The following PRKRA variants were observed in gnomAD, a reference collection of about 807,000 sequenced individuals.
The protein encoded by PRKRA is interferon-inducible double-stranded RNA-dependent protein kinase activator A.
In PRKRA, 22 loss-of-function variants were observed where a neutral mutation model predicts 32.4. The observed-to-expected ratio is 0.68, with a 90% CI of 0.49 to 0.97. PRKRA has a LOEUF of 0.97. Among genes scored for constraint, PRKRA ranks in the 50% least tolerant of loss-of-function variants. The pLI is 0.00. For missense variants in PRKRA, 319 were observed against 375.6 expected (o/e 0.85, Z 1.25); for synonymous variants, 139 against 129.8 (o/e 1.07, Z -0.48).
intron 6 of PRKRA, chr2:178,439,384 CTTTTTA>C (rs1035196284): frequency 2.0e-5 from 3 of 152,122 alleles, no homozygotes; most frequent in Non-Finnish European, 4.4e-5. Context: ...TAATTTTTAG[CTTTTTA>C]TTTTTAATTA....
intron 6 of PRKRA, chr2:178,440,238 A>T (rs1413523735): frequency 6.6e-6 from 1 of 152,196 alleles, no homozygotes; most frequent in Non-Finnish European, 1.5e-5. Flanking sequence ...AAATCAAATT[A>T]TATTACTCAT....
intron 7 of PRKRA, among the ~76,000 whole-genome samples, chr2:178,434,902 C>T (rs1014095995): frequency 6.6e-6 from 1 of 151,646 alleles, no homozygotes; most frequent in Non-Finnish European, 1.5e-5. Flanking sequence ...GTACAGATCA[C>T]TTGAGGTCAG....
chr2:178,441,823 A>G (rs1697126416), intron 5 of PRKRA, 119 bp from the exon 6 acceptor site: 2 of 731,452 alleles, frequency 2.7e-6, no homozygotes, highest in African/African-American at 1.8e-5. Flanking sequence ...TATATACTAG[A>G]CTATGTTCTT....
chr2:178,440,037 TAA>T (rs1697055664), intron 6 of PRKRA: 1 of 152,266 alleles, frequency 6.6e-6, no homozygotes, highest in South Asian at 2.1e-4. Flanking sequence ...AGAATAAATT[TAA>T]AAGTTTCCTT....
chr2:178,448,114 G>T (rs1033662253), intron 2 of PRKRA, among the ~76,000 whole-genome samples: 2 of 152,210 alleles, frequency 1.3e-5, no homozygotes, highest in African/African-American at 4.8e-5. Flanking sequence ...ATGATTATGT[G>T]TTGGGTACAA....
intron 4 of PRKRA, 87 bp from the exon 5 acceptor site, chr2:178,443,471 T>G (rs1697196660): frequency 7.8e-6 from 7 of 901,354 alleles, no homozygotes; most frequent in African/African-American, 4.9e-5. Flanking sequence ...CCCATTTCTA[T>G]GTATATGTTT....
At chr2:178,438,383 C>T (rs1696986455) in intron 6 of PRKRA, among the ~76,000 whole-genome samples, 1 of 152,142 alleles carries the variant, frequency 6.6e-6, no homozygotes, top group African/African-American at 2.4e-5. Flanking sequence ...ACTGTTTCTA[C>T]ATCATTATTG....
Position 178,437,749 on chromosome 2 carries a change from C to T in PRKRA, c.610-1430G>A. Among the ~76,000 whole-genome samples, 2 of 152,106 alleles carry T rather than the reference C, an allele frequency of 1.3e-5. 1 individual carries two copies. Among genetic ancestry groups the T allele is most frequent in the Admixed American group, 1.3e-4 (2 of 15,276 alleles). On this transcript the variant is annotated intron_variant, in intron 6 of 7. Transcript: ENST00000325748. The stretch of plus-strand genomic sequence containing the variant: ...TATTATCAAATTTTGTAGTTTTTGC[C>T]AATCTAAAAGGTGAAAATATTTTAT...
At position 178,436,354 on chromosome 2, in the gene PRKRA, T is replaced by A. The variant is rs193157677; in HGVS notation, c.610-35A>T. On this transcript the variant is annotated intron_variant, in intron 6 of 7. Transcript: ENST00000325748. The stretch of plus-strand genomic sequence containing the variant: ...AGAGATGAAGATTTAGACTCTTGAC[T>A]AGGACTGGGTTCCAACACCCGTACC... 2,589 of 856,584 alleles carry A rather than the reference T, an allele frequency of 3.0e-3. 51 individuals carry two copies. Among genetic ancestry groups the A allele is most frequent in the South Asian group, 0.028 (1,671 of 58,706 alleles). The allele number at this position is 856,584 out of a possible 1,614,324, so 53.1% of individuals were successfully genotyped here. A position where few individuals can be genotyped will look rare whatever the true frequency, so the allele number is the denominator to read the frequency against.
rs541011852 is a variant in PRKRA, at chr2:178,441,541, A to G, written c.609+69T>C. On this transcript the variant is annotated intron_variant, in intron 6 of 7. Transcript: ENST00000325748. ...CTCTGAAGTAGCTATAGAATAAGAA[A>G]TCAAGGAAAGTTTCCTACTGCAAGA... is the stretch of plus-strand genomic sequence containing the variant. 20 of 969,716 alleles carry G rather than the reference A, an allele frequency of 2.1e-5. No homozygotes were observed. In the Admixed American group the frequency reaches 2.5e-4, roughly 12 times the overall value. 60.1% of individuals were successfully genotyped at this position (969,716 alleles called of 1,614,324 possible).
rs569426298 is a variant in PRKRA, at chr2:178,443,884, AC to A, written c.397-501del. 5.9e-4 allele frequency: 102 copies of A among 173,266 alleles called. 1 individual carries two copies. Among genetic ancestry groups the A allele is most frequent in the Non-Finnish European group, 1.0e-3 (84 of 80,036 alleles). 10.7% of individuals were successfully genotyped at this position (173,266 alleles called of 1,614,324 possible). A position where few individuals can be genotyped will look rare whatever the true frequency, so the allele number is the denominator to read the frequency against. On this transcript the variant is annotated intron_variant, in intron 4 of 7. Coordinates refer to ENST00000325748, the MANE Select transcript of PRKRA (RefSeq NM_003690.5). ...CTGTGCAGGAAAAGGAGACCAAAGG[AC>A]TGGCTGAATAATGGGGAGGGAAATG...
At chr2:178,438,333 CAAATAT>C (rs1180092063) in intron 6 of PRKRA, among the ~76,000 whole-genome samples, 2 of 134,110 alleles carry the variant, frequency 1.5e-5, no homozygotes, top group Non-Finnish European at 3.1e-5. Flanking sequence ...TACACATCAA[CAAATAT>C]ATATATATAG....
In PRKRA at chr2:178,447,594, A is replaced by C. The variant is rs768091532; in HGVS notation, c.236-8T>G. ...TCTTACTTGTACCTTCACCTGAATT[A>C]AGATTTAAAAAAAGAAGTCTTTATC... On this transcript the variant is annotated splice_polypyrimidine_tract_variant and splice_region_variant and intron_variant, in intron 2 of 7. Coordinates refer to ENST00000325748, the MANE Select transcript of PRKRA (RefSeq NM_003690.5). 5.0e-6 allele frequency: 4 copies of C among 796,344 alleles called. No individual in the cohort carries two copies. The highest frequency in any genetic ancestry group is 7.3e-5 in the Admixed American group (2 of 27,370). 49.3% of individuals were successfully genotyped at this position (796,344 alleles called of 1,614,324 possible).
At chr2:178,441,584 A>T (rs1697116135) in intron 6 of PRKRA, 26 bp downstream of exon 6, 1 of 716,514 alleles carries the variant, frequency 1.4e-6, no homozygotes, top group Non-Finnish European at 2.1e-6. Flanking sequence ...AATGACATTA[A>T]CATCATAGCT....
Position 178,431,880 on chromosome 2 carries a change from T to C in PRKRA, c.*217A>G. The C allele has an allele frequency of 1.6e-6, 1 of 617,502 alleles. No homozygotes were observed. The highest frequency in any genetic ancestry group is 2.8e-6 in the Non-Finnish European group (1 of 360,134). The allele number at this position is 617,502 out of a possible 1,614,324, so 38.3% of individuals were successfully genotyped here. On this transcript the variant is annotated 3_prime_UTR_variant, in exon 8 of 8. Transcript: ENST00000325748. ...ATGGGTGCTACACTCTCTCTTGTGG[T>C]ACAAAGTTTATAAATACAGTATACT...
In PRKRA at chr2:178,431,961, A is replaced by G; in HGVS notation, c.*136T>C. On this transcript the variant is annotated 3_prime_UTR_variant, in exon 8 of 8. Transcript: ENST00000325748. ...TAATAACAACTATGAGGAGATAATT[A>G]AATCTGGAGTGTTGATGGAATCTAT... 9.5e-7 allele frequency: 1 copy of G among 1,050,332 alleles called. No homozygotes were observed. The highest frequency in any genetic ancestry group is 1.6e-5 in the African/African-American group (1 of 61,294). 65.1% of individuals were successfully genotyped at this position (1,050,332 alleles called of 1,614,324 possible).
chr2:178,435,383 C>CAAAAAAAA (rs765962501), intron 7 of PRKRA, among the ~76,000 whole-genome samples: 1 of 61,436 alleles, frequency 1.6e-5, no homozygotes, highest in Non-Finnish European at 3.4e-5. Flanking sequence ...TACTCCGTCT[C>CAAAAAAAA]AAAAAAAAAA....
chr2:178,431,808 A>G lies in PRKRA; in HGVS notation c.*289T>C. 2 of 439,374 alleles carry G rather than the reference A, an allele frequency of 4.6e-6. No homozygotes were observed. The highest frequency in any genetic ancestry group is 8.3e-6 in the Non-Finnish European group (2 of 239,974). The allele number at this position is 439,374 out of a possible 1,614,324, so 27.2% of individuals were successfully genotyped here. A position where few individuals can be genotyped will look rare whatever the true frequency, so the allele number is the denominator to read the frequency against. On this transcript the variant is annotated 3_prime_UTR_variant, in exon 8 of 8. Coordinates refer to ENST00000325748, the MANE Select transcript of PRKRA (RefSeq NM_003690.5). ...TCGCTAGCATTTTTATTTCATCATC[A>G]ACAACAAACATGCAGTTTCTTTCTC... is the stretch of plus-strand genomic sequence containing the variant.
chr2:178,435,180 G>A (rs569507507), intron 7 of PRKRA, among the ~76,000 whole-genome samples: 17 of 151,330 alleles, frequency 1.1e-4, no homozygotes, highest in African/African-American at 2.4e-4. Flanking sequence ...TCATGCCACC[G>A]CACTCCAACC....
Sources: allele counts gnomAD v4.1 joint callset (sites outside exome capture counted in the v4.1 genomes callset), GRCh38; gene constraint gnomAD v4.1.1; transcripts MANE v1.5; gene names NCBI Gene and HGNC (gene_info 2026-07-23, HGNC 2026-07-21).